The following C1QTNF6 variants were observed in gnomAD, a reference collection of about 807,000 sequenced individuals.
C1QTNF6 encodes C1q and TNF related 6.
A neutral mutation model predicts 20.7 loss-of-function variants in C1QTNF6; 17 were observed. The observed-to-expected ratio is 0.82, with a 90% CI of 0.56 to 1.23. The LOEUF is 1.23. Ranked by LOEUF, C1QTNF6 falls within the 50% of genes most tolerant of loss-of-function variation. The probability of loss-of-function intolerance (pLI) is 0.00; values close to 1 mark genes in which losing one functional copy is unlikely to be tolerated. For synonymous variants in C1QTNF6, 130 were observed against 156.3 expected, an observed-to-expected ratio of 0.83 and a Z score of 1.25; for missense variants, 329 against 389.7, an observed-to-expected ratio of 0.84 and a Z score of 1.31.
chr22:37,185,062 G>A (rs777421846), intron 2 of C1QTNF6, among the ~76,000 whole-genome samples, 156 bp downstream of exon 2: 9 of 151,750 alleles, frequency 5.9e-5, no homozygotes, highest in South Asian at 2.1e-4. Flanking sequence ...TTCACGCTCC[G>A]TCATCAGTGT....
chr22:37,182,153 T>G lies in C1QTNF6; in HGVS notation c.*35A>C, dbSNP rs1923818572. On this transcript the variant is annotated 3_prime_UTR_variant, in exon 3 of 3. Transcript: ENST00000337843. ...CCCTGCAGGGGACGGGACCAGCACCTGAGCTCTCCAGCCGGGAGGGTGGCC... is the reference window on the plus strand; with the variant it reads ...CCCTGCAGGGGACGGGACCAGCACCGGAGCTCTCCAGCCGGGAGGGTGGCC... The G allele has an allele frequency of 1.3e-5, 20 of 1,579,578 alleles. No individual in the cohort carries two copies. Among genetic ancestry groups the G allele is most frequent in the East Asian group, 2.2e-5 (1 of 44,592 alleles).
In C1QTNF6 at chr22:37,184,728, C is replaced by T. The variant is rs982630607; in HGVS notation, c.289+490G>A. Among the ~76,000 whole-genome samples the T allele has an allele frequency of 3.3e-5, 5 of 152,144 alleles. No individual in the cohort carries two copies. The highest frequency in any genetic ancestry group is 2.1e-4 in the South Asian group (1 of 4,822). On this transcript the variant is annotated intron_variant, in intron 2 of 2. Coordinates refer to ENST00000337843, the MANE Select transcript of C1QTNF6 (RefSeq NM_031910.4). The surrounding 1 kb of genome is among the most constrained non-coding windows in gnomAD (Gnocchi z 4.0). ...GCGGAGCCCAAGTCCCTACAGTAGC[C>T]GGGTGGTGACAGCACCCCATGTGAT...
chr22:37,188,128 C>A, intron 1 of C1QTNF6, 35 bp downstream of exon 1: 1 of 1,589,956 alleles, frequency 6.3e-7, no homozygotes, highest in South Asian at 1.1e-5. Context: ...GCTCTGACCC[C>A]AGCCCCCAAG....
intron 2 of C1QTNF6, 44 bp downstream of exon 2, chr22:37,185,174 T>C: frequency 1.3e-6 from 2 of 1,508,476 alleles, no homozygotes; most frequent in African/African-American, 1.4e-5. Context: ...CTCAGCTCCC[T>C]GGCCCTCCCT....
upstream of C1QTNF6, chr22:37,199,382 C>G (rs1476674486): frequency 2.6e-5 from 4 of 152,476 alleles, no homozygotes; most frequent in Admixed American, 6.5e-5. Context: ...CCCACCCGGG[C>G]CTCGCGCCCG....
chr22:37,199,207 G>C (rs1925339606), upstream of C1QTNF6: 1 of 152,360 alleles, frequency 6.6e-6, no homozygotes, highest in African/African-American at 2.4e-5. Flanking sequence ...AAACGAAGGC[G>C]AAAGACGCCC....
rs773179223 is a variant in C1QTNF6, at chr22:37,188,194, C to T, written c.20G>A (p.Arg7His). 42 of 1,609,288 alleles carry T rather than the reference C, an allele frequency of 2.6e-5. No homozygotes were observed. Among genetic ancestry groups the T allele is most frequent in the Non-Finnish European group, 3.1e-5 (37 of 1,177,822 alleles). The change falls in exon 1 of 3, where the codon CGT becomes CAT. Residue 7 changes from arginine to histidine, a missense_variant. Arg to His is a conservative substitution (Grantham distance 29). Coordinates refer to ENST00000337843, the MANE Select transcript of C1QTNF6 (RefSeq NM_031910.4). MQWLRV[R>H]ESPGEATGHR... ...TCCTGTGGCCTCCCCAGGCGACTCA[C>T]GGACCCTGAGCCACTGCATGGCCTC... is the stretch of plus-strand genomic sequence containing the variant.
chr22:37,194,185 C>A (rs1205612283), intron 2 of C1QTNF6, among the ~76,000 whole-genome samples: 1 of 152,140 alleles, frequency 6.6e-6, no homozygotes, highest in Non-Finnish European at 1.5e-5. Flanking sequence ...TTTCAGGGAC[C>A]TGCCGCCAAG....
At chr22:37,189,984 A>C (rs538803651), upstream of C1QTNF6, among the ~76,000 whole-genome samples, 1 of 152,204 alleles carries the variant, frequency 6.6e-6, no homozygotes, top group Non-Finnish European at 1.5e-5. Flanking sequence ...ATTCCAATAC[A>C]TGCTCAGAAT....
At chr22:37,189,993 A>T (rs929982690), upstream of C1QTNF6, among the ~76,000 whole-genome samples, 3 of 152,340 alleles carry the variant, frequency 2.0e-5, no homozygotes, top group African/African-American at 7.2e-5. Context: ...CATGCTCAGA[A>T]TTAGATACTG....
Position 37,185,203 on chromosome 22 carries a change from C to A in C1QTNF6, c.289+15G>T. 6.5e-7 allele frequency: 1 copy of A among 1,534,840 alleles called. No homozygotes were observed. The highest frequency in any genetic ancestry group is 8.8e-7 in the Non-Finnish European group (1 of 1,136,082). ...CCTCCCTGCCCACTACCAGGCCCCA[C>A]AGGAGGGCACTCACCCTTCAGGATG... is the stretch of plus-strand genomic sequence containing the variant. On this transcript the variant is annotated intron_variant, in intron 2 of 2. Transcript: ENST00000337843.
chr22:37,198,476 C>G (rs229550), upstream of C1QTNF6, among the ~76,000 whole-genome samples: 2,554 of 152,270 alleles, frequency 0.017, 82 homozygotes, highest in African/African-American at 0.058. Context: ...AAGCACGGCG[C>G]GCTTCATGTA....
chr22:37,197,461 G>A (rs1300949328), intron 1 of C1QTNF6: 1 of 152,364 alleles, frequency 6.6e-6, no homozygotes, highest in Non-Finnish European at 1.5e-5. Flanking sequence ...AACAGGCTGG[G>A]GACACAGCAA....
chr22:37,185,967 C>T, intron 1 of C1QTNF6: 1 of 985,798 alleles, frequency 1.0e-6, no homozygotes, highest in Non-Finnish European at 1.2e-6. Flanking sequence ...TGGGGACAAA[C>T]GTGGAGGGTT....
chr22:37,187,106 C>T (rs1317016327), intron 1 of C1QTNF6, among the ~76,000 whole-genome samples: 5 of 152,124 alleles, frequency 3.3e-5, no homozygotes, highest in African/African-American at 4.8e-5. Context: ...CTGCCCCCCA[C>T]CCCCAGAGCT....
At chr22:37,188,016 G>A (rs1924527888) in intron 1 of C1QTNF6, 147 bp downstream of exon 1, 2 of 797,028 alleles carry the variant, frequency 2.5e-6, no homozygotes, top group Non-Finnish European at 3.8e-6. Context: ...AGAGGCAGGA[G>A]GAAATGTGGA....
chr22:37,182,823 CT>C, intron 2 of C1QTNF6, 88 bp from the exon 3 acceptor site: 4 of 1,463,478 alleles, frequency 2.7e-6, no homozygotes, highest in Non-Finnish European at 3.6e-6. Context: ...GGCTCTGCCC[CT>C]GTCCTGGCCC....
intron 2 of C1QTNF6, among the ~76,000 whole-genome samples, chr22:37,193,931 T>C (rs547036998): frequency 6.6e-6 from 1 of 152,332 alleles, no homozygotes; most frequent in Admixed American, 6.5e-5. Flanking sequence ...GACAAAGCCT[T>C]AGCTACTGAG....
upstream of C1QTNF6, among the ~76,000 whole-genome samples, chr22:37,188,979 A>G (rs189487094): frequency 3.0e-3 from 453 of 152,356 alleles, 3 homozygotes; most frequent in Admixed American, 5.7e-3. Flanking sequence ...GCTACTCCAT[A>G]GGCAGAGCAC....
Sources: allele counts gnomAD v4.1 joint callset (sites outside exome capture counted in the v4.1 genomes callset), GRCh38; gene constraint gnomAD v4.1.1; non-coding constraint Gnocchi (gnomAD v3.1); transcripts MANE v1.5; gene names NCBI Gene and HGNC (gene_info 2026-07-23, HGNC 2026-07-21).